Variants in KCNQ5 observed in about 807,000 individuals in gnomAD.
KCNQ5 encodes the protein potassium voltage-gated channel subfamily Q member 5, also known as potassium voltage-gated channel subfamily KQT member 5.
KCNQ5 carries 30 observed loss-of-function variants against 98.2 expected under a neutral mutation model. That is an observed-to-expected ratio of 0.31 (90% CI 0.23 to 0.41). The LOEUF is 0.41. Ranked by LOEUF, KCNQ5 falls within the 10% of genes least tolerant of loss-of-function variation. The pLI is 1.00. For synonymous variants in KCNQ5, 458 were observed against 449.4 expected, an observed-to-expected ratio of 1.02 and a Z score of -0.24; for missense variants, 835 against 1,182.5, an observed-to-expected ratio of 0.71 and a Z score of 4.31.
chr6:73,030,080 A>C (rs970075578), intron 2 of KCNQ5, among the ~76,000 whole-genome samples: 2 of 152,188 alleles, frequency 1.3e-5, no homozygotes, highest in Non-Finnish European at 2.9e-5. Context: ...GAAATTATTA[A>C]AATAAAAGAG....
At chr6:72,723,357 C>T (rs909915344) in intron 1 of KCNQ5, among the ~76,000 whole-genome samples, 15 of 152,108 alleles carry the variant, frequency 9.9e-5, no homozygotes, top group South Asian at 2.1e-4. Flanking sequence ...AACTTATTAA[C>T]GGTAATTGGT....
intron 3 of KCNQ5, 59 bp from the exon 4 acceptor site, chr6:73,077,263 T>C: frequency 2.0e-6 from 3 of 1,497,222 alleles, no homozygotes; most frequent in Admixed American, 1.8e-5. Flanking sequence ...AAATATTGTT[T>C]TGGTAAATAA....
chr6:73,169,981 A>T, intron 11 of KCNQ5, 127 bp downstream of exon 11: 2 of 667,688 alleles, frequency 3.0e-6, no homozygotes, highest in South Asian at 3.6e-5. Flanking sequence ...CTATTCATCC[A>T]TATGCCTATT....
intron 1 of KCNQ5, among the ~76,000 whole-genome samples, chr6:72,948,642 A>G (rs1442985292): frequency 6.6e-6 from 1 of 152,190 alleles, no homozygotes; most frequent in Non-Finnish European, 1.5e-5. Context: ...TTTCAAAAAA[A>G]TTTTCCTTAA....
intron 10 of KCNQ5, among the ~76,000 whole-genome samples, chr6:73,162,339 A>G (rs1038496301): frequency 2.0e-5 from 3 of 152,166 alleles, no homozygotes; most frequent in Non-Finnish European, 2.9e-5. Context: ...TGTATTTTAT[A>G]TTTATTTTTC....
rs9446864 is a variant in KCNQ5, at chr6:73,192,748, A to G, written c.1836+57A>G. 1,802 of 1,392,434 alleles carry G rather than the reference A, an allele frequency of 1.3e-3. 24 individuals carry two copies. The African/African-American group carries it at 0.022, about 17-fold the overall frequency. 86.3% of individuals were successfully genotyped at this position (1,392,434 alleles called of 1,614,324 possible). A position where few individuals can be genotyped will look rare whatever the true frequency, so the allele number is the denominator to read the frequency against. ...GCCAGAATTTTTTTAATCAAAATTT[A>G]TTATAGGCAATTGTATGTATTCCAG... On this transcript the variant is annotated intron_variant, in intron 13 of 13. Transcript: ENST00000370398.
At chr6:72,830,826 A>G (rs1178717403) in intron 1 of KCNQ5, among the ~76,000 whole-genome samples, 1 of 152,190 alleles carries the variant, frequency 6.6e-6, no homozygotes, top group Non-Finnish European at 1.5e-5. Flanking sequence ...AATTTTTGCA[A>G]TCTACTCATC....
At chr6:72,650,371 G>A (rs1399956545) in intron 1 of KCNQ5, among the ~76,000 whole-genome samples, 3 of 152,066 alleles carry the variant, frequency 2.0e-5, no homozygotes, top group Admixed American at 6.6e-5. Context: ...AAAGAAAAAC[G>A]GAAAGAAAAC....
chr6:72,786,614 C>T (rs954490573), intron 1 of KCNQ5, among the ~76,000 whole-genome samples: 19 of 152,006 alleles, frequency 1.2e-4, no homozygotes, highest in Admixed American at 9.8e-4. Flanking sequence ...CTCAGCCACA[C>T]GGGTTTAGAA....
intron 1 of KCNQ5, among the ~76,000 whole-genome samples, chr6:72,655,466 T>G (rs1373341155): frequency 6.6e-6 from 1 of 151,978 alleles, no homozygotes; most frequent in Non-Finnish European, 1.5e-5. Flanking sequence ...AGCATCTGGT[T>G]GAGAGAGAGC....
Position 72,942,344 on chromosome 6 carries a change from A to G in KCNQ5, c.399-61564A>G, listed in dbSNP as rs1268854490. Among the ~76,000 whole-genome samples, 3 of 152,214 alleles carry G rather than the reference A, an allele frequency of 2.0e-5. No homozygotes were observed. In the East Asian group the frequency reaches 5.8e-4, roughly 29 times the overall value. The stretch of plus-strand genomic sequence containing the variant: ...TTCTGCATAAATTAATGTTAATATT[A>G]TCAGTAATTGCCCCCATACATACCA... On this transcript the variant is annotated intron_variant, in intron 1 of 13. Transcript: ENST00000370398.
intron 1 of KCNQ5, among the ~76,000 whole-genome samples, chr6:72,666,165 A>T (rs1766800729): frequency 6.6e-6 from 1 of 152,192 alleles, no homozygotes; most frequent in Non-Finnish European, 1.5e-5. Flanking sequence ...GGTTATTTCC[A>T]CACATTAAAA....
In KCNQ5 at chr6:72,653,871, A is replaced by G. The variant is rs573487536; in HGVS notation, c.398+31284A>G. 3.9e-5 allele frequency among the ~76,000 whole-genome samples: 6 copies of G among 152,204 alleles called. 1 individual carries two copies. The South Asian group carries it at 1.2e-3, about 32-fold the overall frequency. On this transcript the variant is annotated intron_variant, in intron 1 of 13. Transcript: ENST00000370398. The stretch of plus-strand genomic sequence containing the variant: ...ATCAGATAGTTTCATATCAAATTAC[A>G]TATCTTTGTACTCAATAAATATTAG...
At chr6:72,889,934 A>G (rs577027485) in intron 1 of KCNQ5, among the ~76,000 whole-genome samples, 43 of 152,266 alleles carry the variant, frequency 2.8e-4, no homozygotes, top group Admixed American at 1.4e-3. Context: ...AGAAACCTCC[A>G]TGAATATGTA....
intron 1 of KCNQ5, among the ~76,000 whole-genome samples, chr6:72,886,625 C>T (rs780903838): frequency 3.3e-4 from 50 of 152,220 alleles, no homozygotes; most frequent in Non-Finnish European, 7.2e-4. Flanking sequence ...GAAATCCATA[C>T]ACACTATAGA....
At chr6:72,995,988 A>G (rs1026299285) in intron 1 of KCNQ5, among the ~76,000 whole-genome samples, 2 of 152,228 alleles carry the variant, frequency 1.3e-5, no homozygotes, top group South Asian at 2.1e-4. Flanking sequence ...TGCAGAAAAC[A>G]TCTGTGGCTG....
chr6:73,157,597 G>T, intron 10 of KCNQ5: 1 of 769,890 alleles, frequency 1.3e-6, no homozygotes, highest in South Asian at 1.4e-5. Context: ...GGAGGGCGGC[G>T]GCAACGGTAG....
chr6:73,141,583 G>C (rs1369761107), intron 10 of KCNQ5, among the ~76,000 whole-genome samples: 1 of 152,158 alleles, frequency 6.6e-6, no homozygotes, highest in African/African-American at 2.4e-5. Flanking sequence ...ATTATATTCT[G>C]TTTCTGTTGG....
intron 1 of KCNQ5, among the ~76,000 whole-genome samples, chr6:72,659,821 C>T (rs752606131): frequency 2.6e-5 from 4 of 152,194 alleles, no homozygotes; most frequent in South Asian, 2.1e-4. Context: ...AACATCCCCT[C>T]GGTCCCCCAT....
Sources: allele counts gnomAD v4.1 joint callset (sites outside exome capture counted in the v4.1 genomes callset), GRCh38; gene constraint gnomAD v4.1.1; transcripts MANE v1.5; gene names NCBI Gene and HGNC (gene_info 2026-07-23, HGNC 2026-07-21).